The following CBL variants were observed in gnomAD, a reference collection of about 807,000 sequenced individuals.
CBL encodes Cbl proto-oncogene.
In CBL, 45 loss-of-function variants were observed where a neutral mutation model predicts 96.9. The ratio of observed to expected loss-of-function variants is 0.46; its 90% CI spans 0.37 to 0.60. The LOEUF is 0.60. CBL is among the 20% of genes least tolerant of loss of function. The probability of loss-of-function intolerance (pLI) is 0.00; values close to 1 mark genes in which losing one functional copy is unlikely to be tolerated. For missense variants in CBL, 1,024 were observed against 1,143.5 expected (o/e 0.90, Z 1.51); for synonymous variants, 420 against 426.8 (o/e 0.98, Z 0.20).
chr11:119,253,160 C>A (rs559565231), intron 2 of CBL, among the ~76,000 whole-genome samples: 9 of 152,162 alleles, frequency 5.9e-5, no homozygotes, highest in African/African-American at 1.9e-4. Flanking sequence ...ATAGTTTAAT[C>A]ATTTCAAAGT....
intron 2 of CBL, among the ~76,000 whole-genome samples, chr11:119,253,237 A>C (rs1949684082): frequency 6.6e-6 from 1 of 152,086 alleles, no homozygotes; most frequent in African/African-American, 2.4e-5. Context: ...TTTGAAAAAA[A>C]AATTTTTTTA....
intron 2 of CBL, among the ~76,000 whole-genome samples, chr11:119,261,858 GT>G (rs1195362379): frequency 6.6e-6 from 1 of 151,900 alleles, no homozygotes; most frequent in East Asian, 1.9e-4. Flanking sequence ...AACCATTTTT[GT>G]TTTTTTCTAA....
At chr11:119,237,998 A>C (rs1388412270) in intron 2 of CBL, among the ~76,000 whole-genome samples, 4 of 151,522 alleles carry the variant, frequency 2.6e-5, no homozygotes, top group Admixed American at 2.6e-4. Context: ...CAGCCTCCTG[A>C]GTAGCTGGGA....
intron 5 of CBL, 135 bp from the exon 6 acceptor site, chr11:119,275,861 TA>T (rs1487807953): frequency 2.1e-6 from 2 of 931,514 alleles, no homozygotes; most frequent in Non-Finnish European, 1.7e-6. Context: ...GACTCCATCT[TA>T]AAAAAAGAAA....
chr11:119,251,080 A>T (rs537262147), intron 2 of CBL, among the ~76,000 whole-genome samples: 1 of 152,310 alleles, frequency 6.6e-6, no homozygotes, highest in East Asian at 1.9e-4. Context: ...AATTTGGGGT[A>T]CTTCCAAATT....
At chr11:119,266,026 A>AAAAAAAAAAG (rs1333194495) in intron 2 of CBL, among the ~76,000 whole-genome samples, 2 of 150,630 alleles carry the variant, frequency 1.3e-5, no homozygotes, top group African/African-American at 4.9e-5. Flanking sequence ...CTCAAAAAAA[A>AAAAAAAAAAG]AAAAAAAAAG....
intron 12 of CBL, among the ~76,000 whole-genome samples, chr11:119,293,981 A>G (rs1422737174): frequency 6.6e-6 from 1 of 152,148 alleles, no homozygotes; most frequent in Non-Finnish European, 1.5e-5. Flanking sequence ...GCTTACTCTA[A>G]TGTATTCTTT....
At chr11:119,209,130 A>G (rs1186710336) in intron 1 of CBL, among the ~76,000 whole-genome samples, 1 of 152,174 alleles carries the variant, frequency 6.6e-6, no homozygotes, top group Non-Finnish European at 1.5e-5. Flanking sequence ...GATTTTCTGA[A>G]TACCTCTGTG....
At chr11:119,229,007 G>T (rs978162899) in intron 1 of CBL, among the ~76,000 whole-genome samples, 1 of 151,932 alleles carries the variant, frequency 6.6e-6, no homozygotes, top group Non-Finnish European at 1.5e-5. Flanking sequence ...TAGAGACAGG[G>T]TTTCACCATG....
chr11:119,278,746 C>G (rs1250210772), intron 9 of CBL, 33 bp downstream of exon 9: 2 of 1,552,426 alleles, frequency 1.3e-6, no homozygotes, highest in East Asian at 2.2e-5. Context: ...TGGCAAAATC[C>G]ATTGTGAGTT....
rs140627020 is a variant in CBL at position 119,278,580 on chromosome 11, C to T, written c.1298C>T (p.Pro433Leu). ...GGTACTGAACCCATCGTGGTAGATC[C>T]GTTTGATCCTAGAGGGAGTGGCAGC... ...IKGTEPIVVD[P>L]FDPRGSGSLL... is the part of the protein sequence containing the mutation. The change falls in exon 9 of 16, where the codon CCG (proline) becomes CTG (leucine). Residue 433 changes from proline (P) to leucine (L), a missense_variant. Pro to Leu is a moderately conservative substitution (Grantham distance 98). Around this residue, in one of 4 missense-constraint regions of CBL, gnomAD observed 695 missense variants for 661.6 expected, o/e 1.05. Coordinates refer to ENST00000264033, the MANE Select transcript of CBL (RefSeq NM_005188.4). 15 of 1,613,908 alleles carry T rather than the reference C, an allele frequency of 9.3e-6. No individual in the cohort carries two copies. Among genetic ancestry groups the T allele is most frequent in the East Asian group, 4.5e-5 (2 of 44,884 alleles).
rs574037181 is a variant in CBL at position 119,274,138 on chromosome 11, A to T, written c.747+114A>T. 4.8e-6 allele frequency: 4 copies of T among 833,366 alleles called. No individual in the cohort carries two copies. The African/African-American group carries it at 7.1e-5, about 15-fold the overall frequency. 51.6% of individuals were successfully genotyped at this position (833,366 alleles called of 1,614,324 possible). A position where few individuals can be genotyped will look rare whatever the true frequency, so the allele number is the denominator to read the frequency against. ...GTTTTTGTCTGTATGAAAGTATTTT[A>T]ATTCATTTTAGGAACTATGCCAAAA... is the stretch of plus-strand genomic sequence containing the variant. On this transcript the variant is annotated intron_variant, in intron 4 of 15. Coordinates refer to ENST00000264033, the MANE Select transcript of CBL (RefSeq NM_005188.4).
At chr11:119,278,081 G>T (rs2135303289) in intron 7 of CBL, 85 bp from the exon 8 acceptor site, 1 of 1,197,580 alleles carries the variant, frequency 8.4e-7, no homozygotes, top group Non-Finnish European at 1.2e-6. Context: ...ATTTGTATAG[G>T]AAACAAGTCT....
At chr11:119,271,586 A>AT in intron 2 of CBL, 149 bp from the exon 3 acceptor site, 3 of 721,984 alleles carry the variant, frequency 4.2e-6, no homozygotes. Context: ...ATATCCTTGA[A>AT]TAATACTGGC....
intron 2 of CBL, among the ~76,000 whole-genome samples, chr11:119,240,966 G>A (rs1422011516): frequency 2.6e-5 from 4 of 152,130 alleles, no homozygotes; most frequent in African/African-American, 4.8e-5. Context: ...CCAGCTACTC[G>A]GGAGGCTGAG....
chr11:119,298,347 T>C lies in CBL; in HGVS notation c.2252-11T>C. On this transcript the variant is annotated splice_polypyrimidine_tract_variant and intron_variant, in intron 14 of 15. Transcript: ENST00000264033. ...CGTCAGAAGAAGATAACATCACTCA[T>C]TTTTCTCCAGGTGAAGGGAATTTGG... is the stretch of plus-strand genomic sequence containing the variant. 6.2e-7 allele frequency: 1 copy of C among 1,612,918 alleles called. No individual in the cohort carries two copies. Among genetic ancestry groups the C allele is most frequent in the Non-Finnish European group, 8.5e-7 (1 of 1,178,872 alleles).
chr11:119,275,882 G>A (rs1471524084), intron 5 of CBL, 115 bp from the exon 6 acceptor site: 10 of 1,067,126 alleles, frequency 9.4e-6, no homozygotes, highest in Non-Finnish European at 1.3e-5. Context: ...AGAAAGAAAG[G>A]AAGAAAGTTA....
Position 119,216,759 on chromosome 11 carries a change from A to T in CBL, c.195+10147A>T, listed in dbSNP as rs148288952. 1.6e-3 allele frequency among the ~76,000 whole-genome samples: 246 copies of T among 152,286 alleles called. 4 individuals carry two copies. In the East Asian group the frequency reaches 0.033, roughly 21 times the overall value. On this transcript the variant is annotated intron_variant, in intron 1 of 15. Transcript: ENST00000264033. ...TATGAATCATAAAAGATACAGAACG[A>T]AATGTAGAAGTCTCCTTTTACCCCC... is the stretch of plus-strand genomic sequence containing the variant.
chr11:119,206,937 T>TG (rs753574414), intron 1 of CBL, among the ~76,000 whole-genome samples: 83 of 151,024 alleles, frequency 5.5e-4, no homozygotes, highest in Non-Finnish European at 1.1e-3. Flanking sequence ...GTGCGGAGTT[T>TG]GGGGCTCTGT....
Sources: allele counts gnomAD v4.1 joint callset (sites outside exome capture counted in the v4.1 genomes callset), GRCh38; gene constraint gnomAD v4.1.1; regional missense constraint gnomAD v4.1.1; transcripts MANE v1.5; gene names NCBI Gene and HGNC (gene_info 2026-07-23, HGNC 2026-07-21).